Variants in NINJ2 observed in about 807,000 individuals in gnomAD.
The protein encoded by NINJ2 is ninjurin-2.
A neutral mutation model predicts 11.7 loss-of-function variants in NINJ2; 12 were observed. The ratio of observed to expected loss-of-function variants is 1.02; its 90% CI spans 0.66 to 1.66. NINJ2 has a LOEUF of 1.66. NINJ2 is among the 40% of genes most tolerant of loss of function. NINJ2 has a pLI of 0.00. For synonymous variants in NINJ2, 93 were observed against 76.8 expected (o/e 1.21, Z -1.10); for missense variants, 187 against 181.8 (o/e 1.03, Z -0.16).
At chr12:662,643 C>G (rs1937973320) in intron 1 of NINJ2, among the ~76,000 whole-genome samples, 1 of 152,130 alleles carries the variant, frequency 6.6e-6, no homozygotes, top group Non-Finnish European at 1.5e-5. Flanking sequence ...TATCCATTGG[C>G]AAGGAGTCAC....
intron 1 of NINJ2, among the ~76,000 whole-genome samples, chr12:598,267 C>A (rs192129061): frequency 3.9e-5 from 6 of 152,318 alleles, no homozygotes; most frequent in Non-Finnish European, 8.8e-5. Context: ...TTTCACTGAC[C>A]TCCCCCTGGG....
At chr12:616,347 G>A (rs1181396173) in intron 1 of NINJ2, among the ~76,000 whole-genome samples, 2 of 152,204 alleles carry the variant, frequency 1.3e-5, no homozygotes, top group African/African-American at 4.8e-5. Flanking sequence ...TCCCACCATG[G>A]TTTATACCTC....
At chr12:565,099 GCTA>G in intron 3 of NINJ2, 115 bp downstream of exon 3, 1 of 789,958 alleles carries the variant, frequency 1.3e-6, no homozygotes, top group Non-Finnish European at 1.9e-6. Context: ...TGCTCTCGGA[GCTA>G]CAGGCCTTCC....
chr12:630,773 C>T (rs888099176), intron 1 of NINJ2: 3 of 152,568 alleles, frequency 2.0e-5, no homozygotes, highest in African/African-American at 7.2e-5. Context: ...GTGCGTGCGC[C>T]CTGGGCGGGG....
chr12:631,047 G>C (rs909840038), intron 1 of NINJ2: 4 of 152,290 alleles, frequency 2.6e-5, no homozygotes, highest in African/African-American at 9.7e-5. Context: ...CCGCAGAAAG[G>C]TTGGTGGGGA....
intron 1 of NINJ2, among the ~76,000 whole-genome samples, chr12:584,365 C>A (rs1327736018): frequency 6.6e-6 from 1 of 152,058 alleles, no homozygotes; most frequent in African/African-American, 2.4e-5. Flanking sequence ...ATAACGAGAC[C>A]CTGTCTCCAT....
intron 2 of NINJ2, 118 bp downstream of exon 2, chr12:565,832 C>T (rs764158547): frequency 5.7e-6 from 5 of 877,730 alleles, no homozygotes; most frequent in Non-Finnish European, 9.4e-6. Flanking sequence ...CACTGCAGGT[C>T]AGCGTGTGGT....
chr12:632,788 G>A (rs1269395703), intron 1 of NINJ2, among the ~76,000 whole-genome samples: 1 of 152,168 alleles, frequency 6.6e-6, no homozygotes, highest in Non-Finnish European at 1.5e-5. Context: ...AATCCCAGCG[G>A]ATCTAAGCTT....
intron 1 of NINJ2, among the ~76,000 whole-genome samples, chr12:596,504 CAATTTCGCTATG>C (rs1947788201): frequency 6.6e-6 from 1 of 152,062 alleles, no homozygotes; most frequent in Admixed American, 6.6e-5. Flanking sequence ...ACCTTCCTCC[CAATTTCGCTATG>C]AATTTCGCTG....
intron 1 of NINJ2, among the ~76,000 whole-genome samples, chr12:600,772 C>T (rs1947856858): frequency 1.3e-5 from 2 of 151,822 alleles, no homozygotes; most frequent in South Asian, 2.1e-4. Flanking sequence ...ACCTTGACCT[C>T]CCGAGCTCAG....
intron 1 of NINJ2, among the ~76,000 whole-genome samples, chr12:600,512 A>T (rs1259823667): frequency 6.6e-6 from 1 of 152,072 alleles, no homozygotes; most frequent in Non-Finnish European, 1.5e-5. Flanking sequence ...GCTGAGATCG[A>T]GCCACTGCAC....
At chr12:629,030 T>C (rs1948239530) in intron 1 of NINJ2, among the ~76,000 whole-genome samples, 1 of 152,192 alleles carries the variant, frequency 6.6e-6, no homozygotes, top group African/African-American at 2.4e-5. Context: ...TCAGGGTTGC[T>C]TTGCCTATAG....
rs953773998 is a variant in NINJ2, at chr12:636,007, G to A, written c.33+27321C>T. Among the ~76,000 whole-genome samples the A allele has an allele frequency of 2.6e-5, 4 of 152,288 alleles. No homozygotes were observed. The East Asian group carries it at 7.7e-4, about 29-fold the overall frequency. ...CAGGAGAATCGCTTGAGCCTGGGAC[G>A]CAGAGGTTGCAGTGAGCCAAGAGTG... On this transcript the variant is annotated intron_variant, in intron 1 of 3. Transcript: ENST00000305108.
chr12:642,453 A>T (rs7487827), intron 1 of NINJ2, among the ~76,000 whole-genome samples: 76,956 of 151,624 alleles, frequency 0.51, 19,584 homozygotes, highest in East Asian at 0.53. Context: ...ATGGTCTTGA[A>T]CTCCTGACCT....
chr12:565,842 T>C, intron 2 of NINJ2, 108 bp downstream of exon 2: 2 of 962,824 alleles, frequency 2.1e-6, no homozygotes, highest in Non-Finnish European at 3.3e-6. Context: ...CAGCGTGTGG[T>C]TGCAAAGCTG....
intron 1 of NINJ2, among the ~76,000 whole-genome samples, chr12:648,004 A>T (rs1937718290): frequency 6.6e-6 from 1 of 152,166 alleles, no homozygotes; most frequent in South Asian, 2.1e-4. Context: ...AGTTGGGAGG[A>T]TTCATTTGCA....
At chr12:646,805 A>C (rs1485567404) in intron 1 of NINJ2, among the ~76,000 whole-genome samples, 1 of 152,206 alleles carries the variant, frequency 6.6e-6, no homozygotes, top group African/African-American at 2.4e-5. Flanking sequence ...CACACAAAAC[A>C]AAATGACCAA....
At chr12:641,633 A>G (rs1948417527) in intron 1 of NINJ2, among the ~76,000 whole-genome samples, 1 of 152,148 alleles carries the variant, frequency 6.6e-6, no homozygotes, top group Non-Finnish European at 1.5e-5. Flanking sequence ...TCACAAGGTC[A>G]GGAGATGGAG....
chr12:646,909 T>C (rs2120513992), intron 1 of NINJ2, among the ~76,000 whole-genome samples: 1 of 149,984 alleles, frequency 6.7e-6, no homozygotes, highest in South Asian at 2.1e-4. Flanking sequence ...GCGCAGGGGT[T>C]TTCCATTCTC....
Sources: allele counts gnomAD v4.1 joint callset (sites outside exome capture counted in the v4.1 genomes callset), GRCh38; gene constraint gnomAD v4.1.1; transcripts MANE v1.5; gene names NCBI Gene and HGNC (gene_info 2026-07-23, HGNC 2026-07-21).